The following FBXL20 variants were observed in gnomAD, a reference collection of about 807,000 sequenced individuals.
The protein encoded by FBXL20 is F-box and leucine rich repeat protein 20, also known as F-box/LRR-repeat protein 20.
FBXL20 carries 11 observed loss-of-function variants against 64.0 expected under a neutral mutation model. The ratio of observed to expected loss-of-function variants is 0.17; its 90% CI spans 0.11 to 0.28. The LOEUF (loss-of-function observed/expected upper bound fraction) is 0.28. Ranked by LOEUF, FBXL20 falls within the 10% of genes least tolerant of loss-of-function variation. The probability of loss-of-function intolerance (pLI) is 1.00; values close to 1 mark genes in which losing one functional copy is unlikely to be tolerated. For synonymous variants in FBXL20, 184 were observed against 189.0 expected, an observed-to-expected ratio of 0.97 and a Z score of 0.22; for missense variants, 303 against 526.2, an observed-to-expected ratio of 0.58 and a Z score of 4.15.
At chr17:39,333,601 C>T (rs1400572055) in intron 2 of FBXL20, among the ~76,000 whole-genome samples, 1 of 151,992 alleles carries the variant, frequency 6.6e-6, no homozygotes, top group Non-Finnish European at 1.5e-5. Context: ...TCTGCCTGGC[C>T]ACCCATCGTC....
chr17:39,347,851 C>A (rs2047649246), intron 1 of FBXL20, among the ~76,000 whole-genome samples: 1 of 152,054 alleles, frequency 6.6e-6, no homozygotes, highest in African/African-American at 2.4e-5. Flanking sequence ...TTTAATCCAT[C>A]TTGAATTAAT....
intron 2 of FBXL20, among the ~76,000 whole-genome samples, chr17:39,317,701 GTTTTTT>G (rs1238194174): frequency 2.3e-5 from 1 of 44,282 alleles, no homozygotes; most frequent in African/African-American, 9.1e-5. Flanking sequence ...TTTTTTTTTT[GTTTTTT>G]TTTTTTTTTT....
intron 1 of FBXL20, among the ~76,000 whole-genome samples, chr17:39,357,275 CAAA>C (rs34332873): frequency 1.2e-4 from 11 of 93,092 alleles, no homozygotes; most frequent in Admixed American, 3.5e-4. Context: ...AACTCTGTCT[CAAA>C]AAAAAAAAAA....
chr17:39,274,868 G>A (rs987388285), intron 10 of FBXL20, 102 bp downstream of exon 10: 84 of 1,465,200 alleles, frequency 5.7e-5, no homozygotes, highest in South Asian at 7.4e-5. Context: ...ATTTCAAAGC[G>A]TCTGCAGTGC....
chr17:39,367,840 T>C (rs1420389804), intron 1 of FBXL20, among the ~76,000 whole-genome samples: 2 of 151,972 alleles, frequency 1.3e-5, no homozygotes, highest in Non-Finnish European at 2.9e-5. Flanking sequence ...CTCAGCTCAC[T>C]GCAACTTCAG....
intron 2 of FBXL20, among the ~76,000 whole-genome samples, chr17:39,310,967 C>T (rs778283633): frequency 3.5e-4 from 53 of 151,642 alleles, no homozygotes; most frequent in Non-Finnish European, 7.1e-4. Flanking sequence ...GCCTAGGCAA[C>T]AAAGTGAGAC....
intron 2 of FBXL20, among the ~76,000 whole-genome samples, chr17:39,339,998 G>A (rs940631558): frequency 6.6e-6 from 1 of 151,918 alleles, no homozygotes; most frequent in Admixed American, 6.6e-5. Flanking sequence ...AAGCGCAATG[G>A]CGCTCACTGC....
intron 1 of FBXL20, among the ~76,000 whole-genome samples, chr17:39,368,227 A>G (rs1332444729): frequency 6.6e-6 from 1 of 152,142 alleles, no homozygotes; most frequent in Admixed American, 6.6e-5. Flanking sequence ...TATCTCTACA[A>G]AACAATAAAA....
At chr17:39,398,749 A>G (rs1311525707) in intron 1 of FBXL20, among the ~76,000 whole-genome samples, 2 of 151,894 alleles carry the variant, frequency 1.3e-5, no homozygotes, top group African/African-American at 4.8e-5. Flanking sequence ...ATCTCGGCTC[A>G]ATACAACCTC....
At chr17:39,327,469 A>G (rs1247070800) in intron 2 of FBXL20, among the ~76,000 whole-genome samples, 1 of 152,150 alleles carries the variant, frequency 6.6e-6, no homozygotes, top group Non-Finnish European at 1.5e-5. Context: ...CCCTAAGGTA[A>G]TAAACTAGAT....
intron 1 of FBXL20, among the ~76,000 whole-genome samples, chr17:39,363,411 C>T (rs2047819201): frequency 6.6e-6 from 1 of 152,116 alleles, no homozygotes; most frequent in Admixed American, 6.6e-5. Context: ...CCCGCTTCAG[C>T]CTCCCAAAGT....
rs1235128805 is a variant in FBXL20 at position 39,401,394 on chromosome 17, C to T, written c.9G>A (p.Arg3=). 1.2e-6 allele frequency: 2 copies of T among 1,610,372 alleles called. No individual in the cohort carries two copies. The highest frequency in any genetic ancestry group is 8.5e-7 in the Non-Finnish European group (1 of 1,178,574). ...TGCTCTTGGTCACTCCGTTCACGTC[C>T]CTCCTCATGGGGCCGGCGGGTGCGG... MR[R]DVNGVTKSRF... Residue 3 remains arginine, a synonymous_variant, in exon 1 of 15, where the codon AGG becomes AGA. Coordinates refer to ENST00000264658, the MANE Select transcript of FBXL20 (RefSeq NM_032875.3).
intron 2 of FBXL20, among the ~76,000 whole-genome samples, chr17:39,310,911 G>A (rs186788082): frequency 9.1e-4 from 138 of 151,902 alleles, no homozygotes; most frequent in African/African-American, 3.1e-3. Context: ...CTTGAACCCA[G>A]GGGGGCAGAG....
intron 1 of FBXL20, among the ~76,000 whole-genome samples, chr17:39,389,518 G>T (rs561353676): frequency 6.6e-6 from 1 of 152,034 alleles, no homozygotes; most frequent in Non-Finnish European, 1.5e-5. Flanking sequence ...TGCAGTGCTC[G>T]TTTTAAAAAA....
intron 1 of FBXL20, among the ~76,000 whole-genome samples, chr17:39,395,119 A>AT (rs1290754043): frequency 7.9e-5 from 12 of 152,178 alleles, no homozygotes; most frequent in Non-Finnish European, 1.6e-4. Flanking sequence ...ACATAAGAAG[A>AT]TTTTAAAAGT....
At chr17:39,389,087 A>T (rs889225942) in intron 1 of FBXL20, among the ~76,000 whole-genome samples, 3 of 142,286 alleles carry the variant, frequency 2.1e-5, no homozygotes, top group African/African-American at 2.7e-5. Context: ...CTGGGCAACA[A>T]GAGCAAAACT....
chr17:39,322,518 G>C (rs1384536494), intron 2 of FBXL20, among the ~76,000 whole-genome samples: 1 of 152,124 alleles, frequency 6.6e-6, no homozygotes, highest in South Asian at 2.1e-4. Flanking sequence ...TAAATACTAA[G>C]ATTGAGAAGT....
chr17:39,265,428 AG>A lies in FBXL20; in HGVS notation c.958del (p.Leu320PhefsTer11), dbSNP rs1261940249. ...VQITDSTLIQ[L>X]SIHCPRLQVL... ...TTGAAGTCGAGGACAGTGTATAGAA[AG>A]TTGGATTAATGTGCTATCTGTTATC... On this transcript the variant is annotated frameshift_variant, in exon 13 of 15. Coordinates refer to ENST00000264658, the MANE Select transcript of FBXL20 (RefSeq NM_032875.3). LOFTEE classifies it high-confidence loss of function. 1 of 1,611,740 alleles carries A rather than the reference AG, an allele frequency of 6.2e-7. No individual in the cohort carries two copies. Among genetic ancestry groups the A allele is most frequent in the Non-Finnish European group, 8.5e-7 (1 of 1,178,040 alleles).
chr17:39,280,551 AG>A (rs2046940666), intron 9 of FBXL20, among the ~76,000 whole-genome samples: 2 of 147,518 alleles, frequency 1.4e-5, no homozygotes, highest in South Asian at 4.5e-4. Flanking sequence ...TGGGTGACAG[AG>A]TAAGACTTTG....
Sources: allele counts gnomAD v4.1 joint callset (sites outside exome capture counted in the v4.1 genomes callset), GRCh38; gene constraint gnomAD v4.1.1; transcripts MANE v1.5; gene names NCBI Gene and HGNC (gene_info 2026-07-23, HGNC 2026-07-21).